The following KIAA0319L variants were observed in gnomAD, a reference collection of about 807,000 sequenced individuals.
KIAA0319L encodes KIAA0319 like.
A neutral mutation model predicts 120.1 loss-of-function variants in KIAA0319L; 55 were observed. The observed-to-expected ratio is 0.46, with a 90% CI of 0.37 to 0.57. The LOEUF is 0.57. Among genes scored for constraint, KIAA0319L ranks in the 20% least tolerant of loss-of-function variants. KIAA0319L has a pLI of 0.00. For missense variants in KIAA0319L, 1,049 were observed against 1,255.3 expected (o/e 0.84, Z 2.48); for synonymous variants, 398 against 471.9 (o/e 0.84, Z 2.03).
intron 3 of KIAA0319L, among the ~76,000 whole-genome samples, chr1:35,484,787 TATATATATATATA>T (rs1558439046): frequency 4.5e-5 from 3 of 66,476 alleles, no homozygotes; most frequent in East Asian, 2.9e-4. Flanking sequence ...TATATATATA[TATATATATATATA>T]TATATATTTT....
intron 2 of KIAA0319L, among the ~76,000 whole-genome samples, chr1:35,526,185 ATT>A (rs1646119412): frequency 6.6e-6 from 1 of 151,272 alleles, no homozygotes; most frequent in African/African-American, 2.4e-5. Context: ...GTTCTGTCCC[ATT>A]AGTCTATGTG....
At chr1:35,522,191 T>G (rs1001920611) in intron 2 of KIAA0319L, among the ~76,000 whole-genome samples, 8 of 152,118 alleles carry the variant, frequency 5.3e-5, no homozygotes, top group Non-Finnish European at 7.4e-5. Flanking sequence ...GGAAGAATAT[T>G]CATGAAACTT....
At chr1:35,477,338 C>T (rs557867832) in intron 4 of KIAA0319L, among the ~76,000 whole-genome samples, 3 of 152,260 alleles carry the variant, frequency 2.0e-5, no homozygotes, top group South Asian at 4.2e-4. Context: ...AAAAGGTTCT[C>T]GACATCACTG....
chr1:35,539,821 G>A (rs1247799749), intron 2 of KIAA0319L, among the ~76,000 whole-genome samples: 1 of 152,160 alleles, frequency 6.6e-6, no homozygotes, highest in Non-Finnish European at 1.5e-5. Context: ...AAAAAACAGA[G>A]GAGCCATTTC....
chr1:35,462,736 A>G (rs762144398), intron 7 of KIAA0319L, 23 bp from the exon 8 acceptor site: 2 of 1,577,956 alleles, frequency 1.3e-6, no homozygotes, highest in Non-Finnish European at 1.7e-6. Context: ...GACCCAAAAG[A>G]AATTGGGAAA....
intron 2 of KIAA0319L, among the ~76,000 whole-genome samples, chr1:35,515,377 T>C (rs1017962527): frequency 2.8e-5 from 4 of 141,714 alleles, no homozygotes; most frequent in Non-Finnish European, 4.6e-5. Flanking sequence ...ACAATGAAAA[T>C]AGAAGTCAAA....
At chr1:35,462,766 G>A (rs1642987308) in intron 7 of KIAA0319L, 53 bp from the exon 8 acceptor site, 2 of 1,338,260 alleles carry the variant, frequency 1.5e-6, no homozygotes, top group South Asian at 1.2e-5. Flanking sequence ...GAAATTACAG[G>A]AGCAGGCTGT....
chr1:35,537,286 C>T (rs1646613111), intron 2 of KIAA0319L, among the ~76,000 whole-genome samples: 1 of 151,964 alleles, frequency 6.6e-6, no homozygotes, highest in Non-Finnish European at 1.5e-5. Context: ...AAATTATTTG[C>T]ATTCAGCACA....
intron 16 of KIAA0319L, among the ~76,000 whole-genome samples, chr1:35,447,505 C>T (rs1451165668): frequency 6.6e-6 from 1 of 152,010 alleles, no homozygotes; most frequent in East Asian, 1.9e-4. Flanking sequence ...ATGCTGTTGC[C>T]CTGTTCTGAA....
intron 4 of KIAA0319L, among the ~76,000 whole-genome samples, chr1:35,478,448 C>T (rs1404427484): frequency 6.6e-6 from 1 of 152,036 alleles, no homozygotes; most frequent in East Asian, 1.9e-4. Context: ...AGGATAAAGG[C>T]TTGAAGGGAT....
rs1203130 is a variant in KIAA0319L, at chr1:35,513,314, A to G, written c.143-6179T>C. On this transcript the variant is annotated intron_variant, in intron 2 of 20. Coordinates refer to ENST00000325722, the MANE Select transcript of KIAA0319L (RefSeq NM_024874.5). ...TTTTTTTTTTTTTTTTTTTCTGTCC[A>G]GTATAAAATATAACCTCTGGCTGCA... Among the ~76,000 whole-genome samples, 459 of 121,302 alleles carry G rather than the reference A, an allele frequency of 3.8e-3. 6 individuals carry two copies. The highest frequency in any genetic ancestry group is 0.014 in the African/African-American group (430 of 30,010). The allele number at this position is 121,302 out of a possible 152,430, so 79.6% of individuals were successfully genotyped here. A position where few individuals can be genotyped will look rare whatever the true frequency, so the allele number is the denominator to read the frequency against.
chr1:35,448,122 C>A (rs1641773293), intron 16 of KIAA0319L, 51 bp downstream of exon 16: 1 of 1,515,622 alleles, frequency 6.6e-7, no homozygotes, highest in South Asian at 1.3e-5. Context: ...ATTCAAGAAG[C>A]CCGGGGGCCC....
intron 6 of KIAA0319L, among the ~76,000 whole-genome samples, chr1:35,469,088 G>C (rs1357615430): frequency 6.6e-6 from 1 of 152,154 alleles, no homozygotes; most frequent in Non-Finnish European, 1.5e-5. Flanking sequence ...GAGTGCAGTA[G>C]CATGATCATG....
chr1:35,450,601 A>G, intron 13 of KIAA0319L, 92 bp from the exon 14 acceptor site: 2 of 1,285,648 alleles, frequency 1.6e-6, no homozygotes, highest in South Asian at 2.7e-5. Context: ...AAACATCAAG[A>G]GTACCTTAAC....
At chr1:35,440,766 G>A (rs1026875380) in intron 20 of KIAA0319L, 15 of 439,450 alleles carry the variant, frequency 3.4e-5, no homozygotes, top group Non-Finnish European at 5.8e-5. Flanking sequence ...TTGGAAAAGC[G>A]GAACTCCAGG....
At chr1:35,455,656 C>T (rs1030695836) in intron 10 of KIAA0319L, among the ~76,000 whole-genome samples, 35 of 144,566 alleles carry the variant, frequency 2.4e-4, no homozygotes, top group African/African-American at 8.4e-4. Context: ...TCTCGGCTCA[C>T]TGCAACCTCC....
At chr1:35,528,081 T>C (rs1381478599) in intron 2 of KIAA0319L, among the ~76,000 whole-genome samples, 1 of 152,198 alleles carries the variant, frequency 6.6e-6, no homozygotes, top group Non-Finnish European at 1.5e-5. Context: ...CCATTTAAAT[T>C]TAAGAAATTT....
chr1:35,448,314 AG>A lies in KIAA0319L; in HGVS notation c.2371del (p.Leu791TrpfsTer13). The A allele has an allele frequency of 1.2e-6, 2 of 1,614,080 alleles. No homozygotes were observed. The highest frequency in any genetic ancestry group is 1.7e-6 in the Non-Finnish European group (2 of 1,179,954). ...EVKPDPRKNN[L>X]VEIILDINVS... ...GTTGATATCCAAGATGATCTCCACC[AG>A]GTTGTTTTTCCTGGGATCTGGAAAG... On this transcript the variant is annotated frameshift_variant, in exon 16 of 21. Coordinates refer to ENST00000325722, the MANE Select transcript of KIAA0319L (RefSeq NM_024874.5). LOFTEE classifies it high-confidence loss of function.
chr1:35,464,870 G>C (rs1283760517), intron 7 of KIAA0319L, among the ~76,000 whole-genome samples: 1 of 152,250 alleles, frequency 6.6e-6, no homozygotes, highest in Non-Finnish European at 1.5e-5. Flanking sequence ...GTAGAGCTCA[G>C]GCTGTGGCTT....
Sources: gnomAD v4.1 joint callset for allele counts (sites outside exome capture counted in the v4.1 genomes callset) on GRCh38, gnomAD v4.1.1 for gene constraint, MANE v1.5 for transcripts, NCBI Gene and HGNC (gene_info 2026-07-23, HGNC 2026-07-21) for gene names.